Variants in THOP1 observed in about 807,000 individuals in gnomAD.
The protein encoded by THOP1 is thimet oligopeptidase.
Under a neutral mutation model 71.8 loss-of-function variants are expected in THOP1, and 49 were observed. The ratio of observed to expected loss-of-function variants is 0.68; its 90% CI spans 0.54 to 0.87. THOP1 has a LOEUF of 0.87. Ranked by LOEUF, THOP1 falls within the 40% of genes least tolerant of loss-of-function variation. The pLI is 0.00. For missense variants in THOP1, 843 were observed against 975.6 expected, an observed-to-expected ratio of 0.86 and a Z score of 1.81; for synonymous variants, 426 against 421.5, an observed-to-expected ratio of 1.01 and a Z score of -0.13.
intron 12 of THOP1, among the ~76,000 whole-genome samples, chr19:2,812,808 AGGCTCAGCCACTTCTGTTCATG>A (rs1449369093): frequency 6.6e-6 from 1 of 152,182 alleles, no homozygotes; most frequent in East Asian, 1.9e-4. Context: ...GTCCAGCCGG[AGGCTCAGCCACTTCTGTTCATG>A]GGCTCAGCCT....
At chr19:2,786,765 A>G (rs867557032) in intron 1 of THOP1, among the ~76,000 whole-genome samples, 1 of 101,206 alleles carries the variant, frequency 9.9e-6, no homozygotes, top group Admixed American at 9.6e-5. Context: ...CACCTGGCTA[A>G]TTTTTTTTTT....
In THOP1 at chr19:2,804,362, C is replaced by T. The variant is rs1255431147; in HGVS notation, c.590-654C>T. On this transcript the variant is annotated intron_variant, in intron 5 of 12. Transcript: ENST00000307741. This position sits in a 1 kb window ranked among gnomAD's most constrained non-coding sequence, Gnocchi z 4.7. ...GGGACAGCAGGGCTCCAGTGAGAAG[C>T]TCTGGGAGTAGGAATTGGGTCTCTC... Among the ~76,000 whole-genome samples the T allele has an allele frequency of 6.6e-6, 1 of 152,130 alleles. No individual in the cohort carries two copies. The highest frequency in any genetic ancestry group is 1.5e-5 in the Non-Finnish European group (1 of 68,030).
chr19:2,811,720 G>A lies in THOP1; in HGVS notation c.1894G>A (p.Val632Ile), dbSNP rs377088074. 1 of 1,610,220 alleles carries A rather than the reference G, an allele frequency of 6.2e-7. No individual in the cohort carries two copies. The highest frequency in any genetic ancestry group is 8.5e-7 in the Non-Finnish European group (1 of 1,179,732). The part of the protein sequence containing the change: ...MFHTRFKQEG[V>I]LNSKVGMDYR... Reference sequence around the variant, plus strand: ...CCACACGCGCTTCAAGCAGGAGGGTGTCCTGAACAGCAAGGTACGCGGGGA... The same window carrying A: ...CCACACGCGCTTCAAGCAGGAGGGTATCCTGAACAGCAAGGTACGCGGGGA... The change falls in exon 12 of 13, where the codon GTC (valine) becomes ATC (isoleucine). Residue 632 changes from valine (V) to isoleucine (I), a missense_variant. By Grantham distance (29) the Val-to-Ile change is conservative. Coordinates refer to ENST00000307741, the MANE Select transcript of THOP1 (RefSeq NM_003249.5).
Position 2,812,450 on chromosome 19 carries a change from G to A in THOP1, c.1909-665G>A, listed in dbSNP as rs1568327677. ...GAGGCCAGGACCTGGGGGAGCAATG[G>A]TCCGACAAGCCCCCTGTCTTCACAG... is the stretch of plus-strand genomic sequence containing the variant. On this transcript the variant is annotated intron_variant, in intron 12 of 12. Transcript: ENST00000307741. 6 of 1,387,938 alleles carry A rather than the reference G, an allele frequency of 4.3e-6. No homozygotes were observed. In the East Asian group the frequency reaches 1.7e-4, roughly 39 times the overall value. The allele number at this position is 1,387,938 out of a possible 1,614,324, so 86.0% of individuals were successfully genotyped here.
intron 4 of THOP1, among the ~76,000 whole-genome samples, chr19:2,796,417 C>G (rs1916015389): frequency 7.0e-6 from 1 of 142,802 alleles, no homozygotes; most frequent in Non-Finnish European, 1.5e-5. Context: ...TGCTTGGGCA[C>G]AGGGAGTGCT....
At chr19:2,802,657 G>T (rs1366701336) in intron 5 of THOP1, among the ~76,000 whole-genome samples, 2 of 152,086 alleles carry the variant, frequency 1.3e-5, no homozygotes, top group Non-Finnish European at 2.9e-5. Context: ...TTTTGGAGGG[G>T]ACGCACCCAA....
At chr19:2,800,958 A>G (rs971630099) in intron 5 of THOP1, among the ~76,000 whole-genome samples, 4 of 152,064 alleles carry the variant, frequency 2.6e-5, no homozygotes, top group Admixed American at 6.5e-5. Context: ...CTAGAAGCCA[A>G]TGCCATGGCA....
At chr19:2,790,756 C>A in intron 2 of THOP1, 123 bp downstream of exon 2, 1 of 886,946 alleles carries the variant, frequency 1.1e-6, no homozygotes, top group Non-Finnish European at 1.6e-6. Context: ...CAGCACCCTG[C>A]CCCTGAGCAC....
In THOP1 at chr19:2,813,405, C is replaced by G. The variant is rs994869318; in HGVS notation, c.*129C>G. The G allele has an allele frequency of 2.5e-6, 3 of 1,210,924 alleles. No individual in the cohort carries two copies. The highest frequency in any genetic ancestry group is 3.4e-6 in the Non-Finnish European group (3 of 894,568). The allele number at this position is 1,210,924 out of a possible 1,614,324, so 75.0% of individuals were successfully genotyped here. The stretch of plus-strand genomic sequence containing the variant: ...GCAGGGTGGCTGAGCGGCTGTCTTG[C>G]CTCTTGTCATTGTCTGTCCCCACCC... On this transcript the variant is annotated 3_prime_UTR_variant, in exon 13 of 13. Coordinates refer to ENST00000307741, the MANE Select transcript of THOP1 (RefSeq NM_003249.5).
At position 2,801,493 on chromosome 19, in the gene THOP1, C is replaced by T. The variant is rs762711035; in HGVS notation, c.589+1702C>T. 2.3e-4 allele frequency among the ~76,000 whole-genome samples: 35 copies of T among 152,154 alleles called. No individual in the cohort carries two copies. The highest frequency in any genetic ancestry group is 4.6e-4 in the Non-Finnish European group (31 of 68,036). On this transcript the variant is annotated intron_variant, in intron 5 of 12. Transcript: ENST00000307741. This position sits in a 1 kb window ranked among gnomAD's most constrained non-coding sequence, Gnocchi z 5.1. ...GTGACACCGTCATGCGGGTGGCTAG[C>T]GTGTTGGGTGACAGTCTCCAGGGCT...
intron 6 of THOP1, chr19:2,806,707 G>T: frequency 1.3e-6 from 1 of 754,134 alleles, no homozygotes; most frequent in Non-Finnish European, 2.1e-6. Context: ...AGAGTCATCT[G>T]CACCCCTTCT....
Position 2,805,647 on chromosome 19 carries a change from T to A in THOP1, c.750+471T>A, listed in dbSNP as rs1916270704. On this transcript the variant is annotated intron_variant, in intron 6 of 12. Coordinates refer to ENST00000307741, the MANE Select transcript of THOP1 (RefSeq NM_003249.5). This position sits in a 1 kb window ranked among gnomAD's most constrained non-coding sequence, Gnocchi z 6.6. ...CATGTAACTGTCCACGGCGCCATGG[T>A]GTGGTCGGTCAGGTGGTCTCTGCAC... Among the ~76,000 whole-genome samples the A allele has an allele frequency of 6.6e-6, 1 of 152,128 alleles. No individual in the cohort carries two copies. Among genetic ancestry groups the A allele is most frequent in the African/African-American group, 2.4e-5 (1 of 41,416 alleles).
intron 4 of THOP1, 35 bp from the exon 5 acceptor site, chr19:2,799,654 C>A: frequency 1.3e-6 from 2 of 1,501,406 alleles, no homozygotes; most frequent in Non-Finnish European, 9.3e-7. Flanking sequence ...CCGCCCCGGT[C>A]TCTCCCTCCC....
intron 4 of THOP1, among the ~76,000 whole-genome samples, chr19:2,797,388 C>T (rs1343979829): frequency 6.6e-6 from 1 of 152,214 alleles, no homozygotes; most frequent in African/African-American, 2.4e-5. Context: ...ATACAGGCCC[C>T]TGATTCACCA....
Position 2,804,204 on chromosome 19 carries a change from C to T in THOP1, c.590-812C>T, listed in dbSNP as rs1185186132. 2.0e-5 allele frequency among the ~76,000 whole-genome samples: 3 copies of T among 152,194 alleles called. No individual in the cohort carries two copies. The highest frequency in any genetic ancestry group is 7.2e-5 in the African/African-American group (3 of 41,436). On this transcript the variant is annotated intron_variant, in intron 5 of 12. Coordinates refer to ENST00000307741, the MANE Select transcript of THOP1 (RefSeq NM_003249.5). This position sits in a 1 kb window ranked among gnomAD's most constrained non-coding sequence, Gnocchi z 4.7. ...GTCTCCCGAGCCATGAGGTAGGAAC[C>T]CCAGAGGGTTTCAGTCCGGGATGCT... is the stretch of plus-strand genomic sequence containing the variant.
At chr19:2,811,893 T>C in intron 12 of THOP1, 159 bp downstream of exon 12, 1 of 1,352,280 alleles carries the variant, frequency 7.4e-7, no homozygotes, top group Non-Finnish European at 9.9e-7. Context: ...AGGGAGGGCG[T>C]CCTCAACAGC....
chr19:2,813,028 C>T lies in THOP1; in HGVS notation c.1909-87C>T, dbSNP rs1916520757. On this transcript the variant is annotated intron_variant, in intron 12 of 12. Transcript: ENST00000307741. ...CCTGGAAGGGGTTGCTCCGAGGCCC[C>T]CCTGGGCGAGGGTGTGCAGACTCCT... 2.1e-6 allele frequency: 3 copies of T among 1,454,166 alleles called. No homozygotes were observed. In the African/African-American group the frequency reaches 4.3e-5, roughly 21 times the overall value. The allele number at this position is 1,454,166 out of a possible 1,614,324, so 90.1% of individuals were successfully genotyped here.
chr19:2,790,295 G>C (rs896183799), intron 1 of THOP1, 126 bp from the exon 2 acceptor site: 11 of 866,878 alleles, frequency 1.3e-5, no homozygotes, highest in Non-Finnish European at 1.9e-5. Context: ...TTCCCTACAA[G>C]AGCCCTGGAC....
intron 2 of THOP1, among the ~76,000 whole-genome samples, chr19:2,792,073 A>G (rs891331640): frequency 2.6e-5 from 4 of 152,140 alleles, no homozygotes; most frequent in South Asian, 2.1e-4. Flanking sequence ...TCCCCATGCC[A>G]GCTGCCTGGA....
Sources: gnomAD v4.1 joint callset for allele counts (sites outside exome capture counted in the v4.1 genomes callset) on GRCh38, gnomAD v4.1.1 for gene constraint, Gnocchi (gnomAD v3.1) non-coding constraint, MANE v1.5 for transcripts, NCBI Gene and HGNC (gene_info 2026-07-23, HGNC 2026-07-21) for gene names.